Variants in PLEKHG1 observed in about 807,000 individuals in gnomAD.
PLEKHG1 encodes pleckstrin homology and RhoGEF domain containing G1, also known as pleckstrin homology domain-containing family G member 1.
Under a neutral mutation model 100.8 loss-of-function variants are expected in PLEKHG1, and 44 were observed. The observed-to-expected ratio is 0.44, with a 90% CI of 0.34 to 0.56. PLEKHG1 has a LOEUF of 0.56. Ranked by LOEUF, PLEKHG1 falls within the 20% of genes least tolerant of loss-of-function variation. PLEKHG1 has a pLI of 0.01. For synonymous variants in PLEKHG1, 640 were observed against 662.5 expected (o/e 0.97, Z 0.52); for missense variants, 1,545 against 1,720.9 (o/e 0.90, Z 1.81).
chr6:150,730,796 G>C (rs1472751038), intron 1 of PLEKHG1, among the ~76,000 whole-genome samples: 4 of 152,048 alleles, frequency 2.6e-5, no homozygotes, highest in Non-Finnish European at 5.9e-5. Context: ...CCAGCTACTA[G>C]GTAGGCTGAG....
At chr6:150,811,942 C>G (rs985846211) in intron 10 of PLEKHG1, among the ~76,000 whole-genome samples, 1 of 152,148 alleles carries the variant, frequency 6.6e-6, no homozygotes, top group African/African-American at 2.4e-5. Flanking sequence ...GATAGTAACC[C>G]ACCACCATGG....
At chr6:150,766,849 A>G (rs901026306) in intron 2 of PLEKHG1, among the ~76,000 whole-genome samples, 1 of 152,208 alleles carries the variant, frequency 6.6e-6, no homozygotes, top group African/African-American at 2.4e-5. Flanking sequence ...AGGATTGTTC[A>G]TTCTCTCTTT....
intron 15 of PLEKHG1, among the ~76,000 whole-genome samples, chr6:150,834,412 T>C (rs760644594): frequency 2.0e-5 from 3 of 152,066 alleles, no homozygotes; most frequent in Non-Finnish European, 4.4e-5. Context: ...TAAGAGGAAA[T>C]GTAATGCTGA....
intron 1 of PLEKHG1, among the ~76,000 whole-genome samples, chr6:150,611,811 CAAAA>C (rs35351890): frequency 2.5e-5 from 3 of 121,572 alleles, no homozygotes; most frequent in Non-Finnish European, 1.8e-5. Context: ...GACTCCATCT[CAAAA>C]AAAAAAAAAA....
chr6:150,624,174 C>A (rs1358516114), intron 1 of PLEKHG1, among the ~76,000 whole-genome samples: 1 of 152,196 alleles, frequency 6.6e-6, no homozygotes, highest in Admixed American at 6.5e-5. Flanking sequence ...AAGACCCTAA[C>A]CTCCTGTTCC....
intron 4 of PLEKHG1, among the ~76,000 whole-genome samples, chr6:150,792,573 C>T (rs1293641325): frequency 6.6e-6 from 1 of 151,766 alleles, no homozygotes; most frequent in African/African-American, 2.4e-5. Flanking sequence ...ACTCAGGAGG[C>T]TGAGGCAGGA....
intron 1 of PLEKHG1, among the ~76,000 whole-genome samples, chr6:150,611,510 C>A (rs1776826523): frequency 6.6e-6 from 1 of 152,122 alleles, no homozygotes; most frequent in Admixed American, 6.5e-5. Flanking sequence ...AGTTGCCGTG[C>A]CTATTAGAAA....
chr6:150,615,517 T>C (rs1247637070), intron 1 of PLEKHG1, among the ~76,000 whole-genome samples: 1 of 152,222 alleles, frequency 6.6e-6, no homozygotes, highest in African/African-American at 2.4e-5. Context: ...TTTTCCTGCA[T>C]TGCAGCCCCT....
exon 16 of PLEKHG1, chr6:150,841,043 T>C: frequency 1.4e-6 from 1 of 730,284 alleles, no homozygotes; most frequent in East Asian, 2.7e-5. Context: ...AGCACAACTT[T>C]TGGAAATGGC....
At chr6:150,798,947 G>C (rs560701359) in intron 5 of PLEKHG1, among the ~76,000 whole-genome samples, 2 of 152,098 alleles carry the variant, frequency 1.3e-5, no homozygotes, top group Admixed American at 1.3e-4. Flanking sequence ...CACCATGTTG[G>C]CCAGGCTGGT....
intron 2 of PLEKHG1, among the ~76,000 whole-genome samples, chr6:150,735,395 A>G (rs1782512855): frequency 6.6e-6 from 1 of 152,204 alleles, no homozygotes; most frequent in Non-Finnish European, 1.5e-5. Flanking sequence ...TTGACTCTAG[A>G]GTATGTTTCA....
intron 2 of PLEKHG1, among the ~76,000 whole-genome samples, chr6:150,762,546 G>A (rs1269332927): frequency 6.6e-6 from 1 of 151,630 alleles, no homozygotes; most frequent in Non-Finnish European, 1.5e-5. Flanking sequence ...CCTTCCCCCT[G>A]CCCAAAGCTA....
At chr6:150,732,245 G>T (rs1197716331) in intron 1 of PLEKHG1, among the ~76,000 whole-genome samples, 3 of 152,036 alleles carry the variant, frequency 2.0e-5, no homozygotes, top group Admixed American at 2.0e-4. Flanking sequence ...TCTCATAATT[G>T]TTCTTATAAT....
chr6:150,690,942 C>T (rs866336432), intron 3 of PLEKHG1, among the ~76,000 whole-genome samples: 3 of 152,162 alleles, frequency 2.0e-5, no homozygotes, highest in African/African-American at 4.8e-5. Flanking sequence ...CGCAACCCAG[C>T]GCATGCATTG....
At chr6:150,635,941 CAGG>C (rs770484743) in intron 1 of PLEKHG1, among the ~76,000 whole-genome samples, 1 of 152,088 alleles carries the variant, frequency 6.6e-6, no homozygotes, top group Non-Finnish European at 1.5e-5. Flanking sequence ...TTACAGAAAG[CAGG>C]ACTATGGGCT....
At chr6:150,611,637 C>T (rs1265422435) in intron 1 of PLEKHG1, among the ~76,000 whole-genome samples, 1 of 152,098 alleles carries the variant, frequency 6.6e-6, no homozygotes. Context: ...CATGGTGAAA[C>T]CCTGTCTGTA....
chr6:150,643,540 T>C (rs2128569601), intron 2 of PLEKHG1, among the ~76,000 whole-genome samples: 1 of 151,728 alleles, frequency 6.6e-6, no homozygotes, highest in East Asian at 1.9e-4. Flanking sequence ...AAATCTGATA[T>C]ACAATATCTA....
At chr6:150,686,888 A>G (rs574016398) in intron 3 of PLEKHG1, 5 of 152,774 alleles carry the variant, frequency 3.3e-5, no homozygotes, top group South Asian at 2.1e-4. Flanking sequence ...GCCAGCAGCT[A>G]TGGTGGGGGC....
At chr6:150,697,509 A>AGTGGTCCTGGT (rs1277681069) in intron 3 of PLEKHG1, among the ~76,000 whole-genome samples, 1 of 152,162 alleles carries the variant, frequency 6.6e-6, no homozygotes, top group Non-Finnish European at 1.5e-5. Flanking sequence ...GAATTGGGCA[A>AGTGGTCCTGGT]GTGGTCCTGG....
Sources: allele counts gnomAD v4.1 joint callset (sites outside exome capture counted in the v4.1 genomes callset), GRCh38; gene constraint gnomAD v4.1.1; transcripts MANE v1.5; gene names NCBI Gene and HGNC (gene_info 2026-07-23, HGNC 2026-07-21).